The following LRP4 variants were observed in gnomAD, a reference collection of about 807,000 sequenced individuals.
LRP4 encodes low-density lipoprotein receptor-related protein 4.
A neutral mutation model predicts 220.3 loss-of-function variants in LRP4; 95 were observed. That is an observed-to-expected ratio of 0.43 (90% CI 0.37 to 0.51). The LOEUF is 0.51. Ranked by LOEUF, LRP4 falls within the 20% of genes least tolerant of loss-of-function variation. The probability of loss-of-function intolerance (pLI) is 0.00; values close to 1 mark genes in which losing one functional copy is unlikely to be tolerated. For missense variants in LRP4, 1,925 were observed against 2,567.0 expected, an observed-to-expected ratio of 0.75 and a Z score of 5.40; for synonymous variants, 903 against 954.6, an observed-to-expected ratio of 0.95 and a Z score of 1.00.
At position 46,888,052 on chromosome 11, in the gene LRP4, G is replaced by A. The variant is rs557229621; in HGVS notation, c.2215+1359C>T. On this transcript the variant is annotated intron_variant, in intron 16 of 37. Transcript: ENST00000378623. ...AAAAAAAAAAAAAAAGGCCGGGGGC[G>A]GTGGCTTATGCCTGTAATCCCAACA... is the stretch of plus-strand genomic sequence containing the variant. Among the ~76,000 whole-genome samples, 11 of 144,368 alleles carry A rather than the reference G, an allele frequency of 7.6e-5. No individual in the cohort carries two copies. In the South Asian group the frequency reaches 2.0e-3, roughly 26 times the overall value. 94.7% of individuals were successfully genotyped at this position (144,368 alleles called of 152,430 possible). A position where few individuals can be genotyped will look rare whatever the true frequency, so the allele number is the denominator to read the frequency against.
rs544248542 is a variant in LRP4 at position 46,912,889 on chromosome 11, G to A, written c.52+5439C>T. Among the ~76,000 whole-genome samples the A allele has an allele frequency of 5.9e-5, 9 of 152,332 alleles. No homozygotes were observed. In the South Asian group the frequency reaches 1.9e-3, roughly 32 times the overall value. ...ACCTCCGGTGATAAATTATGCAGCA[G>A]CACCTCTGTGTCACTGCCTCTCAGC... On this transcript the variant is annotated intron_variant, in intron 1 of 37. Coordinates refer to ENST00000378623, the MANE Select transcript of LRP4 (RefSeq NM_002334.4).
At chr11:46,887,570 C>T (rs921079350) in intron 16 of LRP4, among the ~76,000 whole-genome samples, 9 of 151,842 alleles carry the variant, frequency 5.9e-5, no homozygotes, top group Non-Finnish European at 1.3e-4. Context: ...CAGTGGCTCA[C>T]GCCTGTAATC....
intron 1 of LRP4, among the ~76,000 whole-genome samples, chr11:46,910,866 G>C (rs1325721654): frequency 1.3e-5 from 2 of 151,984 alleles, no homozygotes; most frequent in East Asian, 1.9e-4. Flanking sequence ...AGTAGAGACA[G>C]GGTTTCTCCA....
chr11:46,859,354 C>A (rs1006098722), intron 37 of LRP4, 39 bp from the exon 38 acceptor site: 4 of 1,484,370 alleles, frequency 2.7e-6, no homozygotes, highest in Non-Finnish European at 3.8e-6. Flanking sequence ...AGTCAGTTGG[C>A]CTTCTACAAA....
chr11:46,870,861 G>A (rs1940844280), intron 31 of LRP4, among the ~76,000 whole-genome samples: 1 of 152,186 alleles, frequency 6.6e-6, no homozygotes, highest in Non-Finnish European at 1.5e-5. Flanking sequence ...CATGTATGTG[G>A]TGCTTACTGT....
intron 37 of LRP4, among the ~76,000 whole-genome samples, chr11:46,861,410 T>G (rs1457304000): frequency 6.6e-6 from 1 of 150,530 alleles, no homozygotes; most frequent in African/African-American, 2.4e-5. Context: ...AGGATCTTCA[T>G]AAGGAATAAC....
intron 1 of LRP4, among the ~76,000 whole-genome samples, chr11:46,905,746 G>T (rs925877837): frequency 1.3e-5 from 2 of 151,972 alleles, no homozygotes; most frequent in Admixed American, 6.6e-5. Context: ...CAGCTACTTG[G>T]GAGGCTGAGG....
intron 25 of LRP4, 38 bp downstream of exon 25, chr11:46,876,428 C>G (rs1373396120): frequency 1.2e-6 from 2 of 1,611,882 alleles, no homozygotes; most frequent in Admixed American, 3.3e-5. Context: ...GCTGAGCTGG[C>G]CCCCCACACT....
In LRP4 at chr11:46,884,016, C is replaced by T. The variant is rs375256309; in HGVS notation, c.2507-40G>A. The T allele has an allele frequency of 8.0e-6, 12 of 1,508,634 alleles. No individual in the cohort carries two copies. The African/African-American group carries it at 1.6e-4, about 21-fold the overall frequency. The allele number at this position is 1,508,634 out of a possible 1,614,324, so 93.5% of individuals were successfully genotyped here. ...TACAGAGATTAATTCTAGTCTTGTT[C>T]ATTCACCCTCTTACCTTCCATGGCC... is the stretch of plus-strand genomic sequence containing the variant. On this transcript the variant is annotated intron_variant, in intron 18 of 37. Coordinates refer to ENST00000378623, the MANE Select transcript of LRP4 (RefSeq NM_002334.4).
rs1941296507 is a variant in LRP4, at chr11:46,886,538, T to A, written c.2216-5A>T. On this transcript the variant is annotated splice_region_variant and splice_polypyrimidine_tract_variant and intron_variant, in intron 16 of 37. Transcript: ENST00000378623. ...AAAGCAGGAACTTGTCAAGACCTGATCAAAGGCCGAAAGGGGTCTTCTTTT... is the reference window on the plus strand; with the variant it reads ...AAAGCAGGAACTTGTCAAGACCTGAACAAAGGCCGAAAGGGGTCTTCTTTT... The A allele has an allele frequency of 6.2e-7, 1 of 1,613,488 alleles. No individual in the cohort carries two copies. Among genetic ancestry groups the A allele is most frequent in the Admixed American group, 1.7e-5 (1 of 59,980 alleles).
intron 18 of LRP4, among the ~76,000 whole-genome samples, chr11:46,884,456 G>T (rs2134822907): frequency 6.6e-6 from 1 of 152,020 alleles, no homozygotes; most frequent in South Asian, 2.1e-4. Context: ...ACAAAAATTG[G>T]CCGGGCGCAG....
At chr11:46,898,778 C>T in intron 6 of LRP4, 101 bp from the exon 7 acceptor site, 2 of 1,603,822 alleles carry the variant, frequency 1.2e-6, no homozygotes, top group South Asian at 2.2e-5. Flanking sequence ...CATCTCTTCC[C>T]AAGAGGGACC....
rs1940667393 is a variant in LRP4 at position 46,865,365 on chromosome 11, G to A, written c.5088-179C>T. 2.0e-5 allele frequency among the ~76,000 whole-genome samples: 3 copies of A among 152,342 alleles called. No homozygotes were observed. The South Asian group carries it at 6.2e-4, about 32-fold the overall frequency. On this transcript the variant is annotated intron_variant, in intron 34 of 37. Coordinates refer to ENST00000378623, the MANE Select transcript of LRP4 (RefSeq NM_002334.4). ...AGGAAATGGAGAGAAATCCGTGCAA[G>A]GCACTGTTTTCAAGCCGTTATACCA...
chr11:46,909,373 G>A (rs1299636686), intron 1 of LRP4, among the ~76,000 whole-genome samples: 55 of 145,700 alleles, frequency 3.8e-4, no homozygotes, highest in Non-Finnish European at 1.7e-4. Flanking sequence ...TTGGGAGGCC[G>A]AGGCGGGTGG....
Position 46,881,907 on chromosome 11 carries a change from G to A in LRP4, c.2613-4C>T. ...CCAGTCAGTCCAATACATGTACCTG[G>A]GCAAAGGCAAGGCAAGGCAGGTCTT... On this transcript the variant is annotated splice_region_variant and splice_polypyrimidine_tract_variant and intron_variant, in intron 19 of 37. Coordinates refer to ENST00000378623, the MANE Select transcript of LRP4 (RefSeq NM_002334.4). 6.2e-7 allele frequency: 1 copy of A among 1,614,116 alleles called. No homozygotes were observed. Among genetic ancestry groups the A allele is most frequent in the Non-Finnish European group, 8.5e-7 (1 of 1,180,028 alleles).
chr11:46,887,145 G>A (rs948949175), intron 16 of LRP4, among the ~76,000 whole-genome samples: 2 of 152,168 alleles, frequency 1.3e-5, no homozygotes, highest in Non-Finnish European at 2.9e-5. Flanking sequence ...ACTCAGATCT[G>A]ACTCCAGAGA....
In LRP4 at chr11:46,894,797, G is replaced by A. The variant is rs764941077; in HGVS notation, c.1332C>T (p.Phe444=). The A allele has an allele frequency of 9.9e-6, 16 of 1,614,000 alleles. No homozygotes were observed. The highest frequency in any genetic ancestry group is 2.2e-5 in the East Asian group (1 of 44,894). ...CCTGCCGGATGTCGATGCGATTGGCGAACAGCAGCACAGGCTCTGGCCCTG... is the reference window on the plus strand; with the variant it reads ...CCTGCCGGATGTCGATGCGATTGGCAAACAGCAGCACAGGCTCTGGCCCTG... The part of the protein sequence containing the change: ...KALGPEPVLL[F]ANRIDIRQVL... Residue 444 remains phenylalanine, a synonymous_variant, in exon 12 of 38, where the codon TTC becomes TTT. Transcript: ENST00000378623.
Position 46,875,219 on chromosome 11 carries a change from C to T in LRP4, c.3926-116G>A. On this transcript the variant is annotated intron_variant, in intron 27 of 37. Coordinates refer to ENST00000378623, the MANE Select transcript of LRP4 (RefSeq NM_002334.4). This position sits in a 1 kb window ranked among gnomAD's most constrained non-coding sequence, Gnocchi z 4.5. ...TGTTCTAAGTGACAGGATTCAGTGC[C>T]TGGCAGGGTGAGGTAGAAGGAGGGT... 8.7e-7 allele frequency: 1 copy of T among 1,146,496 alleles called. No homozygotes were observed. Among genetic ancestry groups the T allele is most frequent in the Non-Finnish European group, 1.3e-6 (1 of 790,598 alleles). 71.0% of individuals were successfully genotyped at this position (1,146,496 alleles called of 1,614,324 possible).
At position 46,881,769 on chromosome 11, in the gene LRP4, C is replaced by T. The variant is rs752315031; in HGVS notation, c.2747G>A (p.Arg916His). The T allele has an allele frequency of 2.0e-5, 33 of 1,613,828 alleles. No individual in the cohort carries two copies. The highest frequency in any genetic ancestry group is 1.6e-4 in the Middle Eastern group (1 of 6,084). ...NGLAIDYGSQ[R>H]LYWADAGMKT... ...CATGCCGGCGTCAGCCCAGTATAGA[C>T]GCTGGGACCCATAATCAATAGCTAA... Residue 916 changes from arginine to histidine, a missense_variant, in exon 20 of 38, where the codon CGT becomes CAT. Physicochemically the swap from Arg to His is conservative, Grantham distance 29. Coordinates refer to ENST00000378623, the MANE Select transcript of LRP4 (RefSeq NM_002334.4).
Sources: allele counts gnomAD v4.1 joint callset (sites outside exome capture counted in the v4.1 genomes callset), GRCh38; gene constraint gnomAD v4.1.1; non-coding constraint Gnocchi (gnomAD v3.1); transcripts MANE v1.5; gene names NCBI Gene and HGNC (gene_info 2026-07-23, HGNC 2026-07-21).